Variants in SRPX observed in about 807,000 individuals in gnomAD.
SRPX encodes the protein sushi repeat containing protein X-linked.
In SRPX, 24 loss-of-function variants were observed where a neutral mutation model predicts 38.1. That is an observed-to-expected ratio of 0.63 (90% CI 0.46 to 0.89). SRPX has a LOEUF of 0.89. SRPX is among the 40% of genes least tolerant of loss of function. The probability of loss-of-function intolerance (pLI) is 0.00; values close to 1 mark genes in which losing one functional copy is unlikely to be tolerated. For synonymous variants in SRPX, 184 were observed against 153.8 expected, an observed-to-expected ratio of 1.20 and a Z score of -1.45; for missense variants, 416 against 377.8, an observed-to-expected ratio of 1.10 and a Z score of -0.84.
chrX:38,188,192 C>G (rs1938823339), intron 1 of SRPX, among the ~76,000 whole-genome samples: 1 of 111,639 alleles, frequency 9.0e-6, no homozygotes, highest in African/African-American at 3.3e-5. Flanking sequence ...ACAAAGGGAT[C>G]CAGAAAGATT....
chrX:38,188,322 A>T (rs1938826384), intron 1 of SRPX, among the ~76,000 whole-genome samples: 1 of 112,214 alleles, frequency 8.9e-6, no homozygotes, highest in Non-Finnish European at 1.9e-5. Context: ...AGGACATATC[A>T]GACATTCAGC....
At chrX:38,187,576 T>C (rs1407309306) in intron 1 of SRPX, among the ~76,000 whole-genome samples, 1 of 112,486 alleles carries the variant, frequency 8.9e-6, no homozygotes, top group Non-Finnish European at 1.9e-5. Context: ...GTTCCCTATA[T>C]GCCTTTATGA....
intron 4 of SRPX, among the ~76,000 whole-genome samples, chrX:38,171,066 C>T (rs181161423): frequency 1.6e-4 from 18 of 111,260 alleles, no homozygotes. Flanking sequence ...AATTATTTGG[C>T]CCCAAATGTC....
At chrX:38,160,243 C>A in intron 6 of SRPX, 47 bp from the exon 7 acceptor site, 1 of 1,158,088 alleles carries the variant, frequency 8.6e-7, no homozygotes, top group Non-Finnish European at 1.2e-6. Flanking sequence ...AGCTCCCATC[C>A]ACAGAGTAAG....
intron 1 of SRPX, among the ~76,000 whole-genome samples, chrX:38,211,593 G>A (rs1476094712): frequency 4.5e-5 from 5 of 110,650 alleles, no homozygotes; most frequent in African/African-American, 9.9e-5. Context: ...CCAGCTACTC[G>A]GGAGGCTGAG....
chrX:38,163,250 T>C (rs1209389296), intron 5 of SRPX, among the ~76,000 whole-genome samples: 1 of 112,276 alleles, frequency 8.9e-6, no homozygotes, highest in Non-Finnish European at 1.9e-5. Context: ...GGGAAGATTA[T>C]TGGAATGTAG....
intron 7 of SRPX, among the ~76,000 whole-genome samples, chrX:38,157,337 G>A (rs1165273839): frequency 9.0e-6 from 1 of 111,528 alleles, no homozygotes; most frequent in Non-Finnish European, 1.9e-5. Context: ...AAATCAAGGT[G>A]TTGGCAGGGC....
intron 1 of SRPX, among the ~76,000 whole-genome samples, chrX:38,210,988 C>T (rs1293127019): frequency 9.0e-6 from 1 of 111,629 alleles, no homozygotes; most frequent in Non-Finnish European, 1.9e-5. Context: ...ATTAGGGGTT[C>T]GGCAAACATT....
intron 7 of SRPX, among the ~76,000 whole-genome samples, chrX:38,158,961 CAG>C (rs1304817284): frequency 1.8e-5 from 2 of 110,864 alleles, no homozygotes; most frequent in African/African-American, 3.3e-5. Context: ...GCCTGGGTGA[CAG>C]AGAGAGACTA....
intron 1 of SRPX, among the ~76,000 whole-genome samples, chrX:38,206,213 G>A (rs1340731495): frequency 8.9e-6 from 1 of 111,934 alleles, no homozygotes; most frequent in Non-Finnish European, 1.9e-5. Context: ...GGCAGAGAGA[G>A]GGACCAGCCA....
chrX:38,152,647 G>A (rs1938038225), intron 9 of SRPX, among the ~76,000 whole-genome samples: 1 of 112,238 alleles, frequency 8.9e-6, no homozygotes. Context: ...GAAGTCTATG[G>A]TAGCCCCAAT....
intron 1 of SRPX, among the ~76,000 whole-genome samples, chrX:38,201,174 T>C (rs1268202599): frequency 1.8e-5 from 2 of 111,679 alleles, no homozygotes; most frequent in East Asian, 5.6e-4. Flanking sequence ...AATCCAATCC[T>C]TTCTCTAAAT....
At position 38,160,087 on chromosome X, in the gene SRPX, C is replaced by CT; in HGVS notation, c.884dup (p.Leu296AlafsTer4). The stretch of plus-strand genomic sequence containing the variant: ...ATACTCGGGCAGGGCTACCCTGGAG[C>CT]TCATAGCCGCCGATGCAGGAGAACT... On this transcript the variant is annotated frameshift_variant, in exon 7 of 10. Transcript: ENST00000378533. LOFTEE classifies it high-confidence loss of function. The CT allele has an allele frequency of 8.3e-7, 1 of 1,211,370 alleles. No individual in the cohort carries two copies. The highest frequency in any genetic ancestry group is 1.7e-5 in the African/African-American group (1 of 57,846).
chrX:38,204,306 A>G (rs1388027829), intron 1 of SRPX, among the ~76,000 whole-genome samples: 1 of 112,348 alleles, frequency 8.9e-6, no homozygotes, highest in Non-Finnish European at 1.9e-5. Context: ...GAGGAATCAC[A>G]CTACCCAATT....
At chrX:38,213,124 A>AT (rs34093415) in intron 1 of SRPX, among the ~76,000 whole-genome samples, 36,244 of 111,215 alleles carry the variant, frequency 0.33, 4,808 homozygotes, top group Non-Finnish European at 0.42. Flanking sequence ...AAAATGATAA[A>AT]TACTGTGTAA....
chrX:38,152,340 G>T (rs1040236813), intron 9 of SRPX, among the ~76,000 whole-genome samples: 1 of 112,292 alleles, frequency 8.9e-6, no homozygotes, highest in African/African-American at 3.2e-5. Context: ...TCATCCAGCT[G>T]CAAAATAGTG....
At chrX:38,187,462 A>G (rs1335235738) in intron 1 of SRPX, among the ~76,000 whole-genome samples, 1 of 112,248 alleles carries the variant, frequency 8.9e-6, no homozygotes, top group African/African-American at 3.2e-5. Context: ...AGTTTACTCT[A>G]TGAGTTCAGA....
intron 8 of SRPX, among the ~76,000 whole-genome samples, chrX:38,156,013 T>C (rs984251486): frequency 2.7e-5 from 3 of 112,290 alleles, no homozygotes; most frequent in South Asian, 3.7e-4. Context: ...AATGCTGATA[T>C]GAGAAGTAAA....
At chrX:38,170,458 G>A (rs181576346) in intron 4 of SRPX, among the ~76,000 whole-genome samples, 8 of 112,100 alleles carry the variant, frequency 7.1e-5, no homozygotes, top group East Asian at 2.8e-4. Flanking sequence ...CTTGTCTGTC[G>A]CGAAAATCAA....
Sources: allele counts gnomAD v4.1 joint callset (sites outside exome capture counted in the v4.1 genomes callset), GRCh38; gene constraint gnomAD v4.1.1; transcripts MANE v1.5; gene names NCBI Gene and HGNC (gene_info 2026-07-23, HGNC 2026-07-21).